Variants in DCC observed in about 807,000 individuals in gnomAD.
DCC encodes the protein DCC netrin 1 receptor.
Under a neutral mutation model 172.5 loss-of-function variants are expected in DCC, and 58 were observed. The observed-to-expected ratio is 0.34, with a 90% CI of 0.27 to 0.42. The LOEUF (loss-of-function observed/expected upper bound fraction) is 0.42. Ranked by LOEUF, DCC falls within the 10% of genes least tolerant of loss-of-function variation. The probability of loss-of-function intolerance (pLI) is 1.00; values close to 1 mark genes in which losing one functional copy is unlikely to be tolerated. For missense variants in DCC, 1,740 were observed against 1,791.0 expected, an observed-to-expected ratio of 0.97 and a Z score of 0.51; for synonymous variants, 709 against 644.5, an observed-to-expected ratio of 1.10 and a Z score of -1.52.
rs185043343 is a variant in DCC, at chr18:52,573,098, C to T, written c.92-178956C>T. Among the ~76,000 whole-genome samples, 164 of 152,074 alleles carry T rather than the reference C, an allele frequency of 1.1e-3. 3 individuals are homozygous for T. The highest frequency in any genetic ancestry group is 3.7e-3 in the African/African-American group (152 of 41,484). On this transcript the variant is annotated intron_variant, in intron 1 of 28. Transcript: ENST00000442544. ...CTTGTAACAGGAAAGTTCACATATA[C>T]CTTTAGAATGCATTTTGGGAAAATT...
chr18:53,065,268 G>T (rs2042549516), intron 6 of DCC, among the ~76,000 whole-genome samples: 1 of 152,126 alleles, frequency 6.6e-6, no homozygotes, highest in Non-Finnish European at 1.5e-5. Context: ...CTTCAGGGGA[G>T]GTGATTTAAC....
chr18:52,815,009 T>C (rs2038267173), intron 2 of DCC, among the ~76,000 whole-genome samples: 1 of 152,198 alleles, frequency 6.6e-6, no homozygotes, highest in Non-Finnish European at 1.5e-5. Context: ...AAATCAAATA[T>C]AACTTCAACA....
intron 20 of DCC, among the ~76,000 whole-genome samples, 199 bp downstream of exon 20, chr18:53,410,845 C>A (rs1909939800): frequency 6.6e-6 from 1 of 151,776 alleles, no homozygotes. Context: ...ACATGGCAAA[C>A]ATATTTAACA....
chr18:53,005,713 G>A (rs1386853487), intron 5 of DCC, among the ~76,000 whole-genome samples: 3 of 152,196 alleles, frequency 2.0e-5, no homozygotes, highest in Non-Finnish European at 2.9e-5. Flanking sequence ...GGGTGACAGA[G>A]TGAGATTCTG....
At chr18:53,397,965 C>A (rs1306775201) in intron 18 of DCC, among the ~76,000 whole-genome samples, 2 of 123,848 alleles carry the variant, frequency 1.6e-5, no homozygotes, top group Non-Finnish European at 4.0e-5. Context: ...TAATAGAAGA[C>A]CTTTATGCAA....
intron 3 of DCC, among the ~76,000 whole-genome samples, chr18:52,922,305 T>C (rs1001537695): frequency 6.6e-6 from 1 of 152,162 alleles, no homozygotes. Context: ...ACTACTAGCT[T>C]GAGAACTGGT....
In DCC at chr18:53,526,713, C is replaced by G; in HGVS notation, c.4208C>G (p.Pro1403Arg). Residue 1403 changes from proline (P) to arginine (R), a missense_variant, in exon 28 of 29, where the codon CCT (proline) becomes CGT (arginine). Physicochemically the swap from Pro to Arg is moderately radical, Grantham distance 103 (BLOSUM62 -2). Around this residue, in one of 2 missense-constraint regions of DCC, gnomAD observed 1,732 missense variants for 1,767.4 expected, o/e 0.98. Coordinates refer to ENST00000442544, the MANE Select transcript of DCC (RefSeq NM_005215.4). The stretch of plus-strand genomic sequence containing the variant: ...CTTCCTGTGTCTGTGCCAACAGCCC[C>G]TGAAGTGTCTGAGGAGAGCCACAAA... ...PLLPVSVPTA[P>R]EVSEESHKPT... is the part of the protein sequence containing the mutation. The G allele has an allele frequency of 6.2e-7, 1 of 1,613,552 alleles. No homozygotes were observed. The highest frequency in any genetic ancestry group is 8.5e-7 in the Non-Finnish European group (1 of 1,179,692).
At chr18:52,964,110 T>C (rs576986945) in intron 5 of DCC, among the ~76,000 whole-genome samples, 116 of 152,152 alleles carry the variant, frequency 7.6e-4, no homozygotes, top group Non-Finnish European at 1.4e-3. Flanking sequence ...CTACAGAGCA[T>C]AGAGAGAATA....
At chr18:52,413,915 A>ATGTT (rs1986926830) in intron 1 of DCC, among the ~76,000 whole-genome samples, 2 of 152,196 alleles carry the variant, frequency 1.3e-5, no homozygotes, top group African/African-American at 4.8e-5. Context: ...TGCTAGGAAG[A>ATGTT]TGCTCTGCAA....
chr18:52,840,571 A>G (rs10502952), intron 2 of DCC, among the ~76,000 whole-genome samples: 66,369 of 151,750 alleles, frequency 0.44, 14,682 homozygotes, highest in South Asian at 0.55. Context: ...CATTAACCTA[A>G]CGAAACTGTC....
chr18:52,357,599 A>C (rs1337278154), intron 1 of DCC, among the ~76,000 whole-genome samples: 2 of 152,174 alleles, frequency 1.3e-5, no homozygotes, highest in Non-Finnish European at 2.9e-5. Context: ...CGAAGAGTAG[A>C]TAGAGTACAA....
chr18:53,055,343 TTAC>T (rs1367074159), intron 5 of DCC, among the ~76,000 whole-genome samples: 1 of 152,156 alleles, frequency 6.6e-6, no homozygotes, highest in Non-Finnish European at 1.5e-5. Flanking sequence ...CCACTTGGGC[TTAC>T]ACCTGTGTCA....
chr18:52,384,995 T>C (rs72916957), intron 1 of DCC, among the ~76,000 whole-genome samples: 14,089 of 152,182 alleles, frequency 0.093, 791 homozygotes, highest in Middle Eastern at 0.16. Context: ...TAGCTCTCTA[T>C]ATAATAATGA....
intron 8 of DCC, among the ~76,000 whole-genome samples, chr18:53,163,134 C>T (rs952475845): frequency 2.0e-5 from 3 of 152,114 alleles, no homozygotes; most frequent in African/African-American, 7.2e-5. Flanking sequence ...TATTTCTTTC[C>T]CTGATGATTA....
At chr18:52,453,654 C>G (rs1477091712) in intron 1 of DCC, among the ~76,000 whole-genome samples, 3 of 152,152 alleles carry the variant, frequency 2.0e-5, no homozygotes, top group Non-Finnish European at 4.4e-5. Context: ...GTGCCTTTAA[C>G]CCTCTATTAT....
intron 1 of DCC, among the ~76,000 whole-genome samples, chr18:52,740,773 C>A (rs1401510536): frequency 6.6e-6 from 1 of 152,202 alleles, no homozygotes; most frequent in Admixed American, 6.5e-5. Flanking sequence ...TTCTTGGTCT[C>A]TTGGCACCTT....
rs1568269541 is a variant in DCC at position 52,642,012 on chromosome 18, GTGTATATA to G, written c.92-110040_92-110033del. ...TGGATAAAGAAACTGTGGTGTGTGT[GTGTATATA>G]TATATATATATATATATATATATAT... On this transcript the variant is annotated intron_variant, in intron 1 of 28. Coordinates refer to ENST00000442544, the MANE Select transcript of DCC (RefSeq NM_005215.4). Among the ~76,000 whole-genome samples the G allele has an allele frequency of 4.5e-4, 16 of 35,478 alleles. 1 individual carries two copies. The highest frequency in any genetic ancestry group is 6.6e-4 in the Non-Finnish European group (11 of 16,694). The allele number at this position is 35,478 out of a possible 152,430, so 23.3% of individuals were successfully genotyped here.
At chr18:53,325,303 GT>G (rs1250641431) in intron 14 of DCC, among the ~76,000 whole-genome samples, 1 of 151,572 alleles carries the variant, frequency 6.6e-6, no homozygotes, top group African/African-American at 2.4e-5. Flanking sequence ...CATAAACACA[GT>G]GATTCAAGGC....
intron 8 of DCC, among the ~76,000 whole-genome samples, chr18:53,175,675 A>G (rs2055081054): frequency 6.6e-6 from 1 of 152,100 alleles, no homozygotes; most frequent in South Asian, 2.1e-4. Flanking sequence ...ATGAAATCAA[A>G]GAGGATACAA....
Sources: gnomAD v4.1 joint callset for allele counts (sites outside exome capture counted in the v4.1 genomes callset) on GRCh38, gnomAD v4.1.1 for gene constraint, gnomAD v4.1.1 regional missense constraint, MANE v1.5 for transcripts, NCBI Gene and HGNC (gene_info 2026-07-23, HGNC 2026-07-21) for gene names.